Variants in ARHGAP39 observed in about 807,000 individuals in gnomAD.
ARHGAP39 encodes the protein Rho GTPase activating protein 39.
A neutral mutation model predicts 106.9 loss-of-function variants in ARHGAP39; 44 were observed. The observed-to-expected ratio is 0.41, with a 90% CI of 0.32 to 0.53. ARHGAP39 has a LOEUF of 0.53. ARHGAP39 is among the 20% of genes least tolerant of loss of function. ARHGAP39 has a pLI of 0.21. For missense variants in ARHGAP39, 1,496 were observed against 1,577.3 expected (o/e 0.95, Z 0.87); for synonymous variants, 768 against 693.2 (o/e 1.11, Z -1.69).
Position 144,660,876 on chromosome 8 carries a change from C to T in ARHGAP39, c.-82+24810G>A, listed in dbSNP as rs183385289. Among the ~76,000 whole-genome samples the T allele has an allele frequency of 1.1e-4, 17 of 152,078 alleles. No homozygotes were observed. The East Asian group carries it at 2.7e-3, about 24-fold the overall frequency. ...GTGTCCATCTGTAGTCCCAGCTACTCGGGACGCTGAGGCAGGAGAATTGCT... is the reference window on the plus strand; with the variant it reads ...GTGTCCATCTGTAGTCCCAGCTACTTGGGACGCTGAGGCAGGAGAATTGCT... On this transcript the variant is annotated intron_variant, in intron 1 of 11. Transcript: ENST00000377307.
intron 1 of ARHGAP39, among the ~76,000 whole-genome samples, chr8:144,629,308 C>G (rs958020313): frequency 6.6e-6 from 1 of 152,228 alleles, no homozygotes; most frequent in Non-Finnish European, 1.5e-5. Flanking sequence ...AGAGCAGACC[C>G]GCAGGCTCTA....
At chr8:144,692,342 G>A in the ARHGAP39 span, among the ~76,000 whole-genome samples, 10 of 152,306 alleles carry the variant, frequency 6.6e-5, no homozygotes, top group African/African-American at 2.4e-4. Flanking sequence ...ACTAGCCTAA[G>A]GAGGAGTGGG....
intron 2 of ARHGAP39, among the ~76,000 whole-genome samples, chr8:144,588,539 G>A (rs1038320086): frequency 1.3e-5 from 2 of 152,364 alleles, no homozygotes; most frequent in African/African-American, 4.8e-5. Flanking sequence ...TGGGGACCGC[G>A]GAGAGCGGCA....
Position 144,585,176 on chromosome 8 carries a change from C to T in ARHGAP39, c.81-3899G>A, listed in dbSNP as rs1222182317. Among the ~76,000 whole-genome samples, 2 of 152,180 alleles carry T rather than the reference C, an allele frequency of 1.3e-5. No homozygotes were observed. Among genetic ancestry groups the T allele is most frequent in the East Asian group, 3.8e-4 (2 of 5,198 alleles). ...CACAGGACCATTAAGGGAAACCCCA[C>T]AGCAGGGAGAACTGGGACCCCCCAG... On this transcript the variant is annotated intron_variant, in intron 2 of 11. Coordinates refer to ENST00000377307, the MANE Select transcript of ARHGAP39 (RefSeq NM_025251.3). This position sits in a 1 kb window ranked among gnomAD's most constrained non-coding sequence, Gnocchi z 4.6.
At chr8:144,549,309 C>T (rs770647263) in intron 4 of ARHGAP39, among the ~76,000 whole-genome samples, 4 of 152,230 alleles carry the variant, frequency 2.6e-5, no homozygotes, top group African/African-American at 4.8e-5. Flanking sequence ...CAGGGAGAGA[C>T]GAGGGGCCCC....
intron 7 of ARHGAP39, among the ~76,000 whole-genome samples, chr8:144,536,649 C>T (rs549182543): frequency 6.6e-6 from 1 of 152,282 alleles, no homozygotes; most frequent in African/African-American, 2.4e-5. Flanking sequence ...TGAGGCCAGG[C>T]TGGGTGACTC....
At chr8:144,602,154 TG>T in intron 2 of ARHGAP39, among the ~76,000 whole-genome samples, 1 of 136,116 alleles carries the variant, frequency 7.3e-6, no homozygotes, top group South Asian at 2.3e-4. Context: ...TGTACCTGTG[TG>T]TGTGTGCGTG....
At chr8:144,579,752 G>A (rs903032406) in intron 3 of ARHGAP39, among the ~76,000 whole-genome samples, 2 of 152,096 alleles carry the variant, frequency 1.3e-5, no homozygotes, top group East Asian at 1.9e-4. Context: ...AGTCCAACAC[G>A]CTCCTTCCCA....
At position 144,530,635 on chromosome 8, in the gene ARHGAP39, T is replaced by TGGGCGCGGAGGGGCGGGGGC; in HGVS notation, c.3151-39_3151-20dup. ...CGAAGACCTGGTGGAGGAGCGAGGG[T>TGGGCGCGGAGGGGCGGGGGC]GGGCGCGGAGGGGCGGGGGCGGGGC... On this transcript the variant is annotated intron_variant, in intron 11 of 11. Coordinates refer to ENST00000377307, the MANE Select transcript of ARHGAP39 (RefSeq NM_025251.3). 2.1e-6 allele frequency: 1 copy of TGGGCGCGGAGGGGCGGGGGC among 486,484 alleles called. No homozygotes were observed. Among genetic ancestry groups the TGGGCGCGGAGGGGCGGGGGC allele is most frequent in the Non-Finnish European group, 2.6e-6 (1 of 389,498 alleles). The allele number at this position is 486,484 out of a possible 1,614,324, so 30.1% of individuals were successfully genotyped here. A position where few individuals can be genotyped will look rare whatever the true frequency, so the allele number is the denominator to read the frequency against.
In ARHGAP39 at chr8:144,532,526, C is replaced by T. The variant is rs1033403544; in HGVS notation, c.2889-130G>A. 30 of 740,468 alleles carry T rather than the reference C, an allele frequency of 4.1e-5. No individual in the cohort carries two copies. The Admixed American group carries it at 4.7e-4, about 12-fold the overall frequency. The allele number at this position is 740,468 out of a possible 1,614,324, so 45.9% of individuals were successfully genotyped here. ...AGCAAAACCTCAGGACCCCCCGCCA[C>T]CCCGGTTGGCCTCTTTCCCACGAAC... On this transcript the variant is annotated intron_variant, in intron 9 of 11. Coordinates refer to ENST00000377307, the MANE Select transcript of ARHGAP39 (RefSeq NM_025251.3).
chr8:144,652,519 T>A (rs1821599204), intron 1 of ARHGAP39, among the ~76,000 whole-genome samples: 1 of 152,200 alleles, frequency 6.6e-6, no homozygotes, highest in Admixed American at 6.5e-5. Context: ...TACACGTCCA[T>A]CAATGATAGA....
rs1817491639 is a variant in ARHGAP39 at position 144,547,502 on chromosome 8, C to T, written c.1584G>A (p.Pro528=). 4.0e-6 allele frequency: 6 copies of T among 1,505,114 alleles called. No homozygotes were observed. The highest frequency in any genetic ancestry group is 4.4e-6 in the Non-Finnish European group (5 of 1,130,904). 93.2% of individuals were successfully genotyped at this position (1,505,114 alleles called of 1,614,324 possible). A position where few individuals can be genotyped will look rare whatever the true frequency, so the allele number is the denominator to read the frequency against. The change falls in exon 5 of 12, where the codon CCG becomes CCA. Residue 528 remains proline, a synonymous_variant. Transcript: ENST00000377307. This position sits in a 1 kb window ranked among gnomAD's most constrained non-coding sequence, Gnocchi z 5.2. ...TCACGGGGGCGAGGCTGGTCCCGCA[C>T]GGGGGCTGTTCCTCGGCCAGGGGCT... ...VEQPLAEEQP[P]CGTSLAPVKR...
intron 3 of ARHGAP39, among the ~76,000 whole-genome samples, chr8:144,577,699 C>T (rs767472796): frequency 6.6e-6 from 1 of 152,184 alleles, no homozygotes; most frequent in Non-Finnish European, 1.5e-5. Context: ...ACAAGATCAA[C>T]ACACAATCAG....
the ARHGAP39 span, among the ~76,000 whole-genome samples, chr8:144,695,391 T>C: frequency 6.8e-6 from 1 of 146,500 alleles, no homozygotes; most frequent in African/African-American, 2.5e-5. Context: ...GCACTTTCTA[T>C]ACACCATTAA....
At chr8:144,619,887 C>T (rs1190661159) in intron 1 of ARHGAP39, among the ~76,000 whole-genome samples, 1 of 134,940 alleles carries the variant, frequency 7.4e-6, no homozygotes, top group Non-Finnish European at 1.6e-5. Context: ...TGTGAGTGAG[C>T]CTGTACATCC....
rs1817531400 is a variant in ARHGAP39, at chr8:144,547,985, G to A, written c.1101C>T (p.Pro367=). The part of the protein sequence containing the change: ...LQPNKQGPPS[P]CQQLVLTKQK... ...GCTTGGTGAGCACCAGCTGCTGGCA[G>A]GGCGAGGGGGGGCCCTGCTTGTTGG... The change falls in exon 5 of 12, where the codon CCC becomes CCT. Residue 367 remains proline (P), a synonymous_variant. Transcript: ENST00000377307. The surrounding 1 kb of genome is among the most constrained non-coding windows in gnomAD (Gnocchi z 5.2). The A allele has an allele frequency of 1.9e-6, 3 of 1,609,496 alleles. No individual in the cohort carries two copies. Among genetic ancestry groups the A allele is most frequent in the African/African-American group, 1.3e-5 (1 of 74,786 alleles).
the ARHGAP39 span, among the ~76,000 whole-genome samples, chr8:144,692,773 T>A: frequency 7.2e-6 from 1 of 138,478 alleles, no homozygotes; most frequent in Non-Finnish European, 1.5e-5. Flanking sequence ...TTTTTTTTTT[T>A]GGTGAGACGG....
rs1816664369 is a variant in ARHGAP39 at position 144,530,791 on chromosome 8, A to G, written c.3061T>C (p.Tyr1021His). 9.3e-6 allele frequency: 15 copies of G among 1,611,948 alleles called. No individual in the cohort carries two copies. Among genetic ancestry groups the G allele is most frequent in the Non-Finnish European group, 1.3e-5 (15 of 1,179,694 alleles). ...GCCACCGCCGCCTCGGGGCTGTCGT[A>G]GTGCGCGATGCACTGCTCGTAGAAC... ...HEFYEQCIAH[Y>H]DSPEAAVAVV... The change falls in exon 11 of 12, where the codon TAC becomes CAC. Residue 1021 changes from tyrosine to histidine, a missense_variant. Physicochemically the swap from Tyr to His is moderately conservative, Grantham distance 83. Transcript: ENST00000377307.
At chr8:144,550,430 T>A (rs1025268145) in intron 4 of ARHGAP39, among the ~76,000 whole-genome samples, 1 of 152,142 alleles carries the variant, frequency 6.6e-6, no homozygotes, top group Admixed American at 6.5e-5. Context: ...TGAGACCCCA[T>A]CTCTAAAACA....
Sources: gnomAD v4.1 joint callset for allele counts (sites outside exome capture counted in the v4.1 genomes callset) on GRCh38, gnomAD v4.1.1 for gene constraint, Gnocchi (gnomAD v3.1) non-coding constraint, MANE v1.5 for transcripts, NCBI Gene and HGNC (gene_info 2026-07-23, HGNC 2026-07-21) for gene names.